LIMS1: variants seen among roughly 807,000 people sequenced by gnomAD.
The protein encoded by LIMS1 is LIM zinc finger domain containing 1.
In LIMS1, 18 loss-of-function variants were observed where a neutral mutation model predicts 44.1. That is an observed-to-expected ratio of 0.41 (90% CI 0.28 to 0.61). The LOEUF is 0.61. Among genes scored for constraint, LIMS1 ranks in the 20% least tolerant of loss-of-function variants. LIMS1 has a pLI of 0.32. For missense variants in LIMS1, 201 were observed against 422.0 expected, an observed-to-expected ratio of 0.48 and a Z score of 4.59; for synonymous variants, 93 against 149.1, an observed-to-expected ratio of 0.62 and a Z score of 2.74.
At chr2:108,626,852 A>G (rs1197751893) in intron 1 of LIMS1, among the ~76,000 whole-genome samples, 2 of 152,218 alleles carry the variant, frequency 1.3e-5, no homozygotes, top group Non-Finnish European at 2.9e-5. Flanking sequence ...CTTAGTTTCC[A>G]AAGGGAAATG....
chr2:108,646,271 C>T (rs1049171743), intron 1 of LIMS1, among the ~76,000 whole-genome samples: 7 of 152,116 alleles, frequency 4.6e-5, no homozygotes, highest in African/African-American at 1.7e-4. Context: ...AAATGGAAAT[C>T]ATAATGGTCT....
chr2:108,603,155 G>A (rs1184751261), intron 1 of LIMS1, among the ~76,000 whole-genome samples: 1 of 152,168 alleles, frequency 6.6e-6, no homozygotes, highest in Non-Finnish European at 1.5e-5. Flanking sequence ...TGTAGAATGA[G>A]TTTGGAAGTA....
At chr2:108,542,667 A>G (rs1171546608) in intron 1 of LIMS1, among the ~76,000 whole-genome samples, 1 of 152,208 alleles carries the variant, frequency 6.6e-6, no homozygotes, top group East Asian at 1.9e-4. Context: ...ATTGCCAACC[A>G]TACCACAGTC....
intron 1 of LIMS1, among the ~76,000 whole-genome samples, chr2:108,573,114 A>G (rs923823207): frequency 8.5e-5 from 13 of 152,220 alleles, no homozygotes; most frequent in African/African-American, 3.1e-4. Flanking sequence ...GGTCATATGA[A>G]TGCAAGTCCC....
intron 1 of LIMS1, among the ~76,000 whole-genome samples, chr2:108,583,024 T>C (rs1685945632): frequency 6.6e-6 from 1 of 151,746 alleles, no homozygotes; most frequent in African/African-American, 2.4e-5. Context: ...AAAGGGGTGT[T>C]TTTTGTTGTT....
intron 1 of LIMS1, among the ~76,000 whole-genome samples, chr2:108,568,428 C>G (rs543228302): frequency 6.6e-6 from 1 of 152,310 alleles, no homozygotes; most frequent in South Asian, 2.1e-4. Flanking sequence ...ATCTATTAAT[C>G]TGTTAGTGGG....
intron 1 of LIMS1, among the ~76,000 whole-genome samples, chr2:108,615,492 G>A (rs530740334): frequency 2.0e-5 from 3 of 152,186 alleles, no homozygotes; most frequent in African/African-American, 7.2e-5. Context: ...AGGGTGATCA[G>A]CATGCCTTTT....
chr2:108,679,960 C>T (rs1692843417), intron 8 of LIMS1, among the ~76,000 whole-genome samples: 1 of 152,022 alleles, frequency 6.6e-6, no homozygotes, highest in Non-Finnish European at 1.5e-5. Flanking sequence ...CATGGTGGCT[C>T]ATGCCTATAA....
chr2:108,642,855 A>C (rs1013581622), intron 1 of LIMS1, among the ~76,000 whole-genome samples: 1 of 152,180 alleles, frequency 6.6e-6, no homozygotes, highest in Non-Finnish European at 1.5e-5. Flanking sequence ...TGAAGTTAGC[A>C]GACAGTTGGA....
At chr2:108,582,299 G>A (rs1685917489) in intron 1 of LIMS1, among the ~76,000 whole-genome samples, 2 of 152,116 alleles carry the variant, frequency 1.3e-5, no homozygotes, top group African/African-American at 4.8e-5. Context: ...TCAGGAAAGG[G>A]GTACCATAGG....
intron 1 of LIMS1, among the ~76,000 whole-genome samples, chr2:108,648,915 A>G (rs1690265301): frequency 6.6e-6 from 1 of 152,248 alleles, no homozygotes; most frequent in Admixed American, 6.5e-5. Context: ...TTCAGGACAT[A>G]GGCATGGGCA....
intron 1 of LIMS1, among the ~76,000 whole-genome samples, chr2:108,616,591 G>C (rs1573458103): frequency 6.6e-6 from 1 of 152,188 alleles, no homozygotes; most frequent in African/African-American, 2.4e-5. Context: ...AGAAAGTTCA[G>C]AGGGGCTTGT....
rs185111468 is a variant in LIMS1, at chr2:108,595,552, T to G, written c.32+60958T>G. On this transcript the variant is annotated intron_variant, in intron 1 of 9. Transcript: ENST00000544547. ...CCTTGGTCTTCTTTCTTCTTGTGAT[T>G]CTGCCTACTTTGTTGCCTTTGTCCC... Among the ~76,000 whole-genome samples the G allele has an allele frequency of 3.3e-5, 5 of 152,328 alleles. No homozygotes were observed. The East Asian group carries it at 9.6e-4, about 29-fold the overall frequency.
intron 1 of LIMS1, among the ~76,000 whole-genome samples, chr2:108,610,212 T>C (rs968523993): frequency 1.6e-4 from 24 of 151,486 alleles, no homozygotes; most frequent in Non-Finnish European, 1.5e-4. Flanking sequence ...ATAAAACTAT[T>C]CTTTTTTATT....
Position 108,602,522 on chromosome 2 carries a change from A to C in LIMS1, c.33-57083A>C, listed in dbSNP as rs772891444. ...ATGAAGTGATGTCAAATTTTATCAA[A>C]TGCTTTTTTAGCATCAGTTGAAATG... On this transcript the variant is annotated intron_variant, in intron 1 of 9. Transcript: ENST00000544547. Among the ~76,000 whole-genome samples, 10 of 152,208 alleles carry C rather than the reference A, an allele frequency of 6.6e-5. No homozygotes were observed. In the South Asian group the frequency reaches 8.3e-4, roughly 13 times the overall value.
intron 1 of LIMS1, among the ~76,000 whole-genome samples, chr2:108,579,516 C>T (rs1558795106): frequency 6.6e-6 from 1 of 152,150 alleles, no homozygotes; most frequent in Non-Finnish European, 1.5e-5. Context: ...AAAGCAAAAG[C>T]ATGGTCAAAT....
chr2:108,665,609 C>G (rs1202821523), intron 2 of LIMS1, among the ~76,000 whole-genome samples: 1 of 152,122 alleles, frequency 6.6e-6, no homozygotes, highest in Non-Finnish European at 1.5e-5. Flanking sequence ...TCACTGCAAC[C>G]TCCACCTCCT....
chr2:108,679,015 C>T (rs958792460), intron 8 of LIMS1, among the ~76,000 whole-genome samples: 4 of 152,042 alleles, frequency 2.6e-5, no homozygotes, highest in Non-Finnish European at 4.4e-5. Flanking sequence ...TAAAGTCAGC[C>T]CTCCGTATCC....
At chr2:108,561,880 C>G (rs1386098719) in intron 1 of LIMS1, among the ~76,000 whole-genome samples, 2 of 151,684 alleles carry the variant, frequency 1.3e-5, no homozygotes, top group Non-Finnish European at 2.9e-5. Flanking sequence ...GTAGCTGGGA[C>G]TACAGGCTCA....
Sources: gnomAD v4.1 joint callset for allele counts (sites outside exome capture counted in the v4.1 genomes callset) on GRCh38, gnomAD v4.1.1 for gene constraint, MANE v1.5 for transcripts, NCBI Gene and HGNC (gene_info 2026-07-23, HGNC 2026-07-21) for gene names.